The following NEB variants were observed in gnomAD, a reference collection of about 807,000 sequenced individuals.
NEB encodes nebulin, also known as nemaline myopathy type 2.
NEB carries 512 observed loss-of-function variants against 952.2 expected under a neutral mutation model. The ratio of observed to expected loss-of-function variants is 0.54; its 90% CI spans 0.50 to 0.58. The LOEUF is 0.58. NEB is among the 20% of genes least tolerant of loss of function. The pLI is 0.00. For missense variants in NEB, 8,428 were observed against 9,231.1 expected, an observed-to-expected ratio of 0.91 and a Z score of 3.56; for synonymous variants, 2,900 against 3,149.8, an observed-to-expected ratio of 0.92 and a Z score of 2.66.
chr2:151,718,871 C>G (rs2099766554), intron 9 of NEB, among the ~76,000 whole-genome samples: 2 of 152,348 alleles, frequency 1.3e-5, no homozygotes, highest in Admixed American at 1.3e-4. Flanking sequence ...TTTTGTTCCA[C>G]CAGACTTGGC....
chr2:151,567,069 TG>T, intron 114 of NEB, 98 bp downstream of exon 114: 2 of 1,051,736 alleles, frequency 1.9e-6, no homozygotes, highest in Non-Finnish European at 2.7e-6. Context: ...TAAATATCGA[TG>T]GCCTCAAATT....
chr2:151,643,178 G>A lies in NEB; in HGVS notation c.8132C>T (p.Ala2711Val). The stretch of plus-strand genomic sequence containing the variant: ...ATTCATGGTAATAGCATTGTTTTTT[G>A]CCAAAACCATTGGTATGGAATCCAT... ...SLMDSIPMVL[A>V]KNNAITMNHR... Residue 2711 changes from alanine (A) to valine (V), a missense_variant, in exon 58 of 182, where the codon GCA (alanine) becomes GTA (valine). Physicochemically the swap from Ala to Val is moderately conservative, Grantham distance 64. Coordinates refer to ENST00000397345, the MANE Select transcript of NEB (RefSeq NM_001164508.2). 6.2e-7 allele frequency: 1 copy of A among 1,612,888 alleles called. No homozygotes were observed. The highest frequency in any genetic ancestry group is 8.5e-7 in the Non-Finnish European group (1 of 1,179,410).
At chr2:151,500,719 T>C (rs1219439539) in intron 168 of NEB, among the ~76,000 whole-genome samples, 1 of 147,696 alleles carries the variant, frequency 6.8e-6, no homozygotes, top group Non-Finnish European at 1.5e-5. Context: ...CACCTCAGCC[T>C]CCCAAGTAGC....
intron 13 of NEB, among the ~76,000 whole-genome samples, chr2:151,704,858 CTGT>C (rs1253820246): frequency 6.6e-6 from 1 of 152,198 alleles, no homozygotes; most frequent in African/African-American, 2.4e-5. Flanking sequence ...TAGACCGGAG[CTGT>C]TCCTATTCGG....
At position 151,538,204 on chromosome 2, in the gene NEB, T is replaced by C. The variant is rs761780939; in HGVS notation, c.20933A>G (p.Tyr6978Cys). 1.2e-5 allele frequency: 19 copies of C among 1,613,322 alleles called. No homozygotes were observed. The highest frequency in any genetic ancestry group is 3.3e-5 in the Admixed American group (2 of 60,026). Residue 6978 changes from tyrosine to cysteine, a missense_variant, in exon 139 of 182, where the codon TAC (tyrosine) becomes TGC (cysteine). Tyr to Cys is a radical substitution (Grantham distance 194). This residue lies in a region of NEB where 3,374 missense variants were observed against 3,651.5 expected (regional missense o/e 0.92). Coordinates refer to ENST00000397345, the MANE Select transcript of NEB (RefSeq NM_001164508.2). ...KETFQKTKGKYHTVKDALDIV... is the reference protein window; with the variant it reads ...KETFQKTKGKCHTVKDALDIV... Reference sequence around the variant, plus strand: ...GTCTAGGGCATCTTTCACCGTGTGGTATTTCCCTTTGGTCTTTTGAAATGT... The same window carrying C: ...GTCTAGGGCATCTTTCACCGTGTGGCATTTCCCTTTGGTCTTTTGAAATGT...
intron 68 of NEB, 30 bp downstream of exon 68, chr2:151,629,509 C>T: frequency 2.0e-6 from 3 of 1,532,188 alleles, no homozygotes; most frequent in Non-Finnish European, 9.0e-7. Flanking sequence ...TTCATCCATC[C>T]ATGTAAATAT....
Position 151,563,818 on chromosome 2 carries a change from C to T in NEB, c.18579+5G>A, listed in dbSNP as rs769687664. ...AAACTTAGGAGAGGAAAAGGTCATACTGACCTCACTGTTCACCAGATCAGC... is the reference window on the plus strand; with the variant it reads ...AAACTTAGGAGAGGAAAAGGTCATATTGACCTCACTGTTCACCAGATCAGC... On this transcript the variant is annotated splice_donor_5th_base_variant and intron_variant, in intron 118 of 181. Transcript: ENST00000397345. 6 of 1,611,982 alleles carry T rather than the reference C, an allele frequency of 3.7e-6. No homozygotes were observed. Among genetic ancestry groups the T allele is most frequent in the East Asian group, 2.2e-5 (1 of 44,796 alleles).
chr2:151,535,435 G>C (rs1486001509), intron 142 of NEB, among the ~76,000 whole-genome samples: 1 of 152,192 alleles, frequency 6.6e-6, no homozygotes, highest in Non-Finnish European at 1.5e-5. Context: ...GGGCTGTGCT[G>C]CCCTGTGTTT....
chr2:151,668,241 T>C (rs2154183822), intron 39 of NEB, among the ~76,000 whole-genome samples: 1 of 152,268 alleles, frequency 6.6e-6, no homozygotes, highest in Non-Finnish European at 1.5e-5. Context: ...TTTTCTATAA[T>C]AAATATATAA....
At chr2:151,496,207 GTAT>G (rs1018276843) in intron 173 of NEB, 66 bp downstream of exon 173, 8 of 1,399,592 alleles carry the variant, frequency 5.7e-6, no homozygotes, top group Non-Finnish European at 7.9e-6. Context: ...GGATTAATAT[GTAT>G]TATTTTAAAT....
chr2:151,574,019 G>A (rs907365858), intron 107 of NEB, among the ~76,000 whole-genome samples: 1 of 152,024 alleles, frequency 6.6e-6, no homozygotes, highest in Non-Finnish European at 1.5e-5. Flanking sequence ...TGTCGCCCAC[G>A]CTGGAGTACA....
chr2:151,650,607 C>A lies in NEB; in HGVS notation c.7194G>T (p.Val2398=). 6.3e-7 allele frequency: 1 copy of A among 1,594,754 alleles called. No homozygotes were observed. ...GCAGTTCATAAACTTTCTTAGCTTGCACAACATCGTTCTGATCAGGCAGAC... is the reference window on the plus strand; with the variant it reads ...GCAGTTCATAAACTTTCTTAGCTTGAACAACATCGTTCTGATCAGGCAGAC... ...WTCLPDQNDV[V]QAKKVYELQS... is the part of the protein sequence containing the mutation. The change falls in exon 53 of 182, where the codon GTG becomes GTT. Residue 2398 remains valine (V), a synonymous_variant. Coordinates refer to ENST00000397345, the MANE Select transcript of NEB (RefSeq NM_001164508.2).
Position 151,678,206 on chromosome 2 carries a change from G to A in NEB, c.3256-19C>T, listed in dbSNP as rs892800029. ...ACTGAACCTATTGTAAACAAAGGTGGGCATAATTTAAAATGTAGTTTTGAG... is the reference window on the plus strand; with the variant it reads ...ACTGAACCTATTGTAAACAAAGGTGAGCATAATTTAAAATGTAGTTTTGAG... On this transcript the variant is annotated intron_variant, in intron 32 of 181. Coordinates refer to ENST00000397345, the MANE Select transcript of NEB (RefSeq NM_001164508.2). 9 of 1,502,140 alleles carry A rather than the reference G, an allele frequency of 6.0e-6. No homozygotes were observed. Among genetic ancestry groups the A allele is most frequent in the Admixed American group, 2.0e-5 (1 of 48,876 alleles). The allele number at this position is 1,502,140 out of a possible 1,614,324, so 93.1% of individuals were successfully genotyped here.
Position 151,633,653 on chromosome 2 carries a change from C to T in NEB, c.9414+1G>A, listed in dbSNP as rs1255445731. Reference sequence around the variant, plus strand: ...GCTCCATTTATAGATGCTGTACTCACGTCACTCTGGAGGTCATAGGCCTGC... The same window carrying T: ...GCTCCATTTATAGATGCTGTACTCATGTCACTCTGGAGGTCATAGGCCTGC... On this transcript the variant is annotated splice_donor_variant, in intron 65 of 181. Transcript: ENST00000397345. LOFTEE classifies it high-confidence loss of function. The T allele has an allele frequency of 1.2e-6, 2 of 1,609,604 alleles. No homozygotes were observed. The highest frequency in any genetic ancestry group is 2.2e-5 in the East Asian group (1 of 44,780).
intron 1 of NEB, among the ~76,000 whole-genome samples, 151 bp downstream of exon 1, chr2:151,734,247 C>T (rs1209156281): frequency 6.6e-6 from 1 of 152,026 alleles, no homozygotes; most frequent in African/African-American, 2.4e-5. Context: ...ATTAGTAGGG[C>T]CTTAGTAGGG....
At chr2:151,514,585 C>T (rs1489435742) in intron 158 of NEB, among the ~76,000 whole-genome samples, 157 bp from the exon 159 acceptor site, 3 of 152,170 alleles carry the variant, frequency 2.0e-5, no homozygotes, top group Non-Finnish European at 4.4e-5. Flanking sequence ...GATCAGTTAA[C>T]ATTAAATATC....
chr2:151,656,699 T>A (rs377130044), intron 48 of NEB, among the ~76,000 whole-genome samples: 1 of 152,074 alleles, frequency 6.6e-6, no homozygotes. Flanking sequence ...TATAGATGAA[T>A]AAGCTGAGAC....
At position 151,633,923 on chromosome 2, in the gene NEB, T is replaced by A. The variant is rs1483778945; in HGVS notation, c.9145A>T (p.Ile3049Phe). 6.2e-7 allele frequency: 1 copy of A among 1,613,770 alleles called. No individual in the cohort carries two copies. The highest frequency in any genetic ancestry group is 1.3e-5 in the African/African-American group (1 of 74,924). Residue 3049 changes from isoleucine (I) to phenylalanine (F), a missense_variant, in exon 65 of 182, where the codon ATT becomes TTT. By Grantham distance (21) the Ile-to-Phe change is conservative (BLOSUM62 0). Around this residue, in one of 11 missense-constraint regions of NEB, gnomAD observed 1,772 missense variants for 1,960.3 expected, o/e 0.90. Coordinates refer to ENST00000397345, the MANE Select transcript of NEB (RefSeq NM_001164508.2). ...DGYCKQLGHH[I>F]GARNIEDDPK... ...TCATCTTCAATGTTCCGGGCTCCAA[T>A]ATGGTGGCCAAGTTGCTTGCAGTAA...
At chr2:151,630,186 TATC>T (rs964882802) in intron 67 of NEB, among the ~76,000 whole-genome samples, 2 of 152,238 alleles carry the variant, frequency 1.3e-5, no homozygotes, top group Non-Finnish European at 2.9e-5. Flanking sequence ...ATTTTGGTTG[TATC>T]ATATTAATAA....
Sources: gnomAD v4.1 joint callset for allele counts (sites outside exome capture counted in the v4.1 genomes callset) on GRCh38, gnomAD v4.1.1 for gene constraint, gnomAD v4.1.1 regional missense constraint, MANE v1.5 for transcripts, NCBI Gene and HGNC (gene_info 2026-07-23, HGNC 2026-07-21) for gene names.